Variants in KIAA1549L observed in about 807,000 individuals in gnomAD.
KIAA1549L encodes the protein UPF0606 protein KIAA1549L.
KIAA1549L carries 88 observed loss-of-function variants against 160.7 expected under a neutral mutation model. That is an observed-to-expected ratio of 0.55 (90% confidence interval 0.46 to 0.65). KIAA1549L has a LOEUF of 0.65. Ranked by LOEUF, KIAA1549L falls within the 30% of genes least tolerant of loss-of-function variation. KIAA1549L has a pLI of 0.00. For synonymous variants in KIAA1549L, 950 were observed against 976.7 expected (o/e 0.97, Z 0.51); for missense variants, 2,258 against 2,437.5 (o/e 0.93, Z 1.55).
chr11:33,504,218 G>A (rs1226342631), intron 1 of KIAA1549L, among the ~76,000 whole-genome samples: 24 of 151,882 alleles, frequency 1.6e-4, no homozygotes, highest in Admixed American at 1.4e-3. Context: ...CTGAGATTGC[G>A]CTACTGCACT....
At chr11:33,638,747 C>T (rs1364403558) in intron 16 of KIAA1549L, among the ~76,000 whole-genome samples, 2 of 152,160 alleles carry the variant, frequency 1.3e-5, no homozygotes, top group African/African-American at 4.8e-5. Flanking sequence ...TGTTGCCTCT[C>T]CCACTAGCAG....
chr11:33,639,349 G>A (rs113292217), intron 16 of KIAA1549L, among the ~76,000 whole-genome samples: 387 of 152,186 alleles, frequency 2.5e-3, no homozygotes, highest in African/African-American at 9.1e-3. Flanking sequence ...ACCATGAAGC[G>A]CAAGACCAGG....
chr11:33,431,123 C>T (rs1282257388), intron 1 of KIAA1549L, among the ~76,000 whole-genome samples: 1 of 151,990 alleles, frequency 6.6e-6, no homozygotes, highest in Non-Finnish European at 1.5e-5. Context: ...TTCGTTCCTC[C>T]TGGTGGGCTC....
chr11:33,554,313 G>T (rs2133204786), intron 6 of KIAA1549L, among the ~76,000 whole-genome samples: 1 of 152,276 alleles, frequency 6.6e-6, no homozygotes, highest in South Asian at 2.1e-4. Context: ...TTAACAACTT[G>T]TATAGGTTTG....
chr11:33,592,672 A>G (rs1850092572), intron 12 of KIAA1549L, among the ~76,000 whole-genome samples: 2 of 152,242 alleles, frequency 1.3e-5, no homozygotes, highest in Non-Finnish European at 2.9e-5. Flanking sequence ...TAATAAACAA[A>G]TAGAGAAACA....
At position 33,482,139 on chromosome 11, in the gene KIAA1549L, TG is replaced by T. The variant is rs574715238; in HGVS notation, c.239-59662del. On this transcript the variant is annotated intron_variant, in intron 1 of 20. Transcript: ENST00000658780. ...ATTTTTTTCCTGGATTTTTTTTCTT[TG>T]TGCTGTCTGGCACTAGTGTAAGCAA... is the stretch of plus-strand genomic sequence containing the variant. 1.1e-3 allele frequency among the ~76,000 whole-genome samples: 160 copies of T among 152,350 alleles called. 1 individual carries two copies. The highest frequency in any genetic ancestry group is 3.7e-3 in the African/African-American group (153 of 41,582).
At chr11:33,619,010 A>C (rs764989259) in intron 16 of KIAA1549L, among the ~76,000 whole-genome samples, 1 of 152,172 alleles carries the variant, frequency 6.6e-6, no homozygotes, top group Non-Finnish European at 1.5e-5. Flanking sequence ...TCACTTGAAC[A>C]CAGGCTTCTT....
At chr11:33,450,189 T>G (rs1366841828) in intron 1 of KIAA1549L, among the ~76,000 whole-genome samples, 1 of 151,972 alleles carries the variant, frequency 6.6e-6, no homozygotes, top group African/African-American at 2.4e-5. Flanking sequence ...TATAAGAAAA[T>G]CCCCTAATAC....
At chr11:33,653,967 G>A (rs1209072891) in intron 17 of KIAA1549L, among the ~76,000 whole-genome samples, 1 of 130,262 alleles carries the variant, frequency 7.7e-6, no homozygotes, top group Non-Finnish European at 1.6e-5. Flanking sequence ...TATCTGTCTG[G>A]TCAATTATTA....
intron 1 of KIAA1549L, among the ~76,000 whole-genome samples, chr11:33,476,233 G>T (rs1852283546): frequency 6.6e-6 from 1 of 152,188 alleles, no homozygotes; most frequent in African/African-American, 2.4e-5. Context: ...GCTAATGAGT[G>T]CATAGGCCAT....
At chr11:33,515,274 T>C (rs1306681995) in intron 1 of KIAA1549L, among the ~76,000 whole-genome samples, 23 of 152,198 alleles carry the variant, frequency 1.5e-4, no homozygotes, top group Admixed American at 1.5e-3. Flanking sequence ...CCTGGACCTG[T>C]TCTGTTCTCT....
chr11:33,566,110 C>T (rs1034922580), intron 8 of KIAA1549L, among the ~76,000 whole-genome samples: 3 of 152,116 alleles, frequency 2.0e-5, no homozygotes, highest in African/African-American at 7.2e-5. Context: ...TCAGGTATAT[C>T]CACAATATTG....
chr11:33,655,905 A>G (rs373989052), intron 17 of KIAA1549L, 107 bp from the exon 18 acceptor site: 1 of 736,504 alleles, frequency 1.4e-6, no homozygotes. Context: ...GTAAGGAGGC[A>G]GAGTCTGACC....
intron 1 of KIAA1549L, among the ~76,000 whole-genome samples, chr11:33,477,700 C>T (rs1852319956): frequency 6.6e-6 from 1 of 152,210 alleles, no homozygotes; most frequent in Non-Finnish European, 1.5e-5. Flanking sequence ...ACATCCTCCC[C>T]TCTTGGGATT....
intron 1 of KIAA1549L, among the ~76,000 whole-genome samples, chr11:33,407,027 G>C (rs908981753): frequency 6.7e-6 from 1 of 148,518 alleles, no homozygotes; most frequent in East Asian, 2.0e-4. Flanking sequence ...CTTTGTTCCT[G>C]TTCTTCATAG....
rs1217562259 is a variant in KIAA1549L, at chr11:33,673,394, T to C, written c.*5240T>C. On this transcript the variant is annotated 3_prime_UTR_variant, in exon 21 of 21. Transcript: ENST00000658780. ...ATCTTATTTCTCCTCATTTCTTCCT[T>C]ATGTTTAAACACGCCCCCATCTCAC... The C allele has an allele frequency of 6.6e-6, 1 of 152,166 alleles. No individual in the cohort carries two copies. The highest frequency in any genetic ancestry group is 2.4e-5 in the African/African-American group (1 of 41,430). 9.4% of individuals were successfully genotyped at this position (152,166 alleles called of 1,614,324 possible).
chr11:33,536,956 C>T (rs574774607), intron 1 of KIAA1549L, among the ~76,000 whole-genome samples: 5 of 152,302 alleles, frequency 3.3e-5, no homozygotes, highest in East Asian at 3.9e-4. Context: ...ATCACCTGCT[C>T]GCATCCTCCC....
At chr11:33,519,942 CTT>C (rs66807433) in intron 1 of KIAA1549L, among the ~76,000 whole-genome samples, 2,585 of 145,200 alleles carry the variant, frequency 0.018, 56 homozygotes, top group African/African-American at 0.052. Flanking sequence ...GGGTCGCCAT[CTT>C]TTTTTTTTTT....
At chr11:33,387,504 C>A (rs531971800) in intron 1 of KIAA1549L, among the ~76,000 whole-genome samples, 45 of 152,210 alleles carry the variant, frequency 3.0e-4, no homozygotes, top group Non-Finnish European at 5.6e-4. Flanking sequence ...TGGGGTTTCA[C>A]CATGTTGGCC....
Sources: allele counts gnomAD v4.1 joint callset (sites outside exome capture counted in the v4.1 genomes callset), GRCh38; gene constraint gnomAD v4.1.1; transcripts MANE v1.5; gene names NCBI Gene and HGNC (gene_info 2026-07-23, HGNC 2026-07-21).